PKHD1L1: variants seen among roughly 807,000 people sequenced by gnomAD.
PKHD1L1 encodes fibrocystin-L.
PKHD1L1 carries 434 observed loss-of-function variants against 462.9 expected under a neutral mutation model. That is an observed-to-expected ratio of 0.94 (90% CI 0.87 to 1.02). The LOEUF (loss-of-function observed/expected upper bound fraction) is 1.02, where lower values mean the gene tolerates loss of function less well. Among genes scored for constraint, PKHD1L1 ranks in the 50% least tolerant of loss-of-function variants. The probability of loss-of-function intolerance (pLI) is 0.00; values close to 1 mark genes in which losing one functional copy is unlikely to be tolerated. For synonymous variants in PKHD1L1, 1,781 were observed against 1,750.0 expected, an observed-to-expected ratio of 1.02 and a Z score of -0.44; for missense variants, 5,202 against 5,096.1, an observed-to-expected ratio of 1.02 and a Z score of -0.63.
intron 67 of PKHD1L1, among the ~76,000 whole-genome samples, chr8:109,503,306 A>AAAAAC (rs1819525770): frequency 1.7e-5 from 2 of 119,752 alleles, no homozygotes; most frequent in African/African-American, 7.0e-5. Flanking sequence ...AAACAAAAAC[A>AAAAAC]AAAACAAACA....
intron 2 of PKHD1L1, among the ~76,000 whole-genome samples, chr8:109,376,898 T>A (rs548545637): frequency 1.3e-4 from 20 of 152,112 alleles, no homozygotes; most frequent in Non-Finnish European, 2.5e-4. Flanking sequence ...AATGTCAAGG[T>A]CCAAAGCCTG....
intron 34 of PKHD1L1, 108 bp from the exon 35 acceptor site, chr8:109,441,899 G>A: frequency 1.2e-6 from 1 of 849,902 alleles, no homozygotes; most frequent in Non-Finnish European, 1.6e-6. Context: ...TTTTAGTGTT[G>A]ATTAAAATGT....
At chr8:109,363,041 C>T (rs1811057459) in intron 1 of PKHD1L1, among the ~76,000 whole-genome samples, 1 of 152,124 alleles carries the variant, frequency 6.6e-6, no homozygotes, top group Non-Finnish European at 1.5e-5. Context: ...TCGCTTTCCT[C>T]ACAACAGAAA....
chr8:109,436,439 A>C lies in PKHD1L1; in HGVS notation c.3607A>C (p.Ile1203Leu), dbSNP rs1432549344. Reference sequence around the variant, plus strand: ...TGTGATTGAAGGGGATTTGAATAGGATAACCTGCAGGACACCAAAAGTAAG... The same window carrying C: ...TGTGATTGAAGGGGATTTGAATAGGCTAACCTGCAGGACACCAAAAGTAAG... Reference protein sequence around the residue: ...CNVIEGDLNRITCRTPKKTEG... With the variant: ...CNVIEGDLNRLTCRTPKKTEG... The change falls in exon 30 of 78, where the codon ATA becomes CTA. Residue 1203 changes from isoleucine to leucine, a missense_variant. By Grantham distance (5) the Ile-to-Leu change is conservative. Transcript: ENST00000378402. 2 of 1,613,170 alleles carry C rather than the reference A, an allele frequency of 1.2e-6. No homozygotes were observed. Among genetic ancestry groups the C allele is most frequent in the Admixed American group, 3.3e-5 (2 of 59,964 alleles).
intron 67 of PKHD1L1, among the ~76,000 whole-genome samples, chr8:109,502,565 T>C (rs1819479079): frequency 6.6e-6 from 1 of 152,224 alleles, no homozygotes; most frequent in South Asian, 2.1e-4. Flanking sequence ...ATTTGGTAGG[T>C]CTCAGAACCC....
intron 46 of PKHD1L1, among the ~76,000 whole-genome samples, chr8:109,458,083 T>G (rs1228665064): frequency 2.6e-5 from 4 of 152,188 alleles, no homozygotes; most frequent in Non-Finnish European, 4.4e-5. Context: ...TAATCCTTTA[T>G]TTTAGAGTTG....
intron 9 of PKHD1L1, among the ~76,000 whole-genome samples, chr8:109,391,093 A>G (rs1812690217): frequency 6.6e-6 from 1 of 152,208 alleles, no homozygotes; most frequent in Non-Finnish European, 1.5e-5. Context: ...ACCCCATATT[A>G]TAGATAATAA....
chr8:109,514,866 A>G (rs1339176782), intron 71 of PKHD1L1, among the ~76,000 whole-genome samples: 1 of 152,118 alleles, frequency 6.6e-6, no homozygotes, highest in Non-Finnish European at 1.5e-5. Flanking sequence ...CCTGATATTG[A>G]AAGCCTGTAT....
intron 2 of PKHD1L1, among the ~76,000 whole-genome samples, chr8:109,380,089 T>C (rs1457293): frequency 0.3 from 45,240 of 152,082 alleles, 7,319 homozygotes; most frequent in Admixed American, 0.43. Flanking sequence ...AAATCTACAA[T>C]GGCTGATAGC....
intron 40 of PKHD1L1, among the ~76,000 whole-genome samples, chr8:109,450,641 C>A (rs1395586347): frequency 6.6e-6 from 1 of 152,132 alleles, no homozygotes; most frequent in Non-Finnish European, 1.5e-5. Context: ...AGTGTGCCTG[C>A]CTTTAAGCAG....
chr8:109,464,188 A>G, intron 48 of PKHD1L1, 28 bp from the exon 49 acceptor site: 1 of 1,504,444 alleles, frequency 6.6e-7, no homozygotes. Flanking sequence ...AGCTATTACT[A>G]AATAACTGTG....
At chr8:109,486,284 T>C (rs866804544) in intron 58 of PKHD1L1, among the ~76,000 whole-genome samples, 2 of 151,970 alleles carry the variant, frequency 1.3e-5, no homozygotes, top group Non-Finnish European at 2.9e-5. Flanking sequence ...TTCTCTACCT[T>C]ATTTCCTCAT....
In PKHD1L1 at chr8:109,398,517, C is replaced by T. The variant is rs1189948597; in HGVS notation, c.981C>T (p.Pro327=). The part of the protein sequence containing the change: ...TENSICCKTP[P]KPHILKTVYP... The stretch of plus-strand genomic sequence containing the variant: ...ATAGTATATGTTGCAAGACACCCCC[C>T]AAACCTCATATTCTCAAAACTGTAT... The change falls in exon 12 of 78, where the codon CCC becomes CCT. Residue 327 remains proline, a synonymous_variant. Transcript: ENST00000378402. The T allele has an allele frequency of 1.9e-6, 3 of 1,573,930 alleles. No individual in the cohort carries two copies. In the East Asian group the frequency reaches 6.8e-5, roughly 36 times the overall value.
chr8:109,381,788 T>C (rs1812133028), intron 3 of PKHD1L1, among the ~76,000 whole-genome samples: 2 of 152,154 alleles, frequency 1.3e-5, no homozygotes, highest in Admixed American at 1.3e-4. Context: ...TAAATGACTA[T>C]TTAATTGTAA....
rs1817330662 is a variant in PKHD1L1 at position 109,464,690 on chromosome 8, G to T, written c.7858G>T (p.Gly2620Cys). The T allele has an allele frequency of 6.2e-7, 1 of 1,613,646 alleles. No individual in the cohort carries two copies. The highest frequency in any genetic ancestry group is 2.2e-5 in the East Asian group (1 of 44,874). The part of the protein sequence containing the change: ...EFFNNTVHSQ[G>C]WFGMWIFEEY... Reference sequence around the variant, plus strand: ...TTTTAACAATACTGTCCATTCTCAAGGTTGGTTTGGAATGTGGATCTTTGA... The same window carrying T: ...TTTTAACAATACTGTCCATTCTCAATGTTGGTTTGGAATGTGGATCTTTGA... Residue 2620 changes from glycine to cysteine, a missense_variant, in exon 49 of 78, where the codon GGT (glycine) becomes TGT (cysteine). By Grantham distance (159) the Gly-to-Cys change is radical. Around this residue, in one of 3 missense-constraint regions of PKHD1L1, gnomAD observed 4,497 missense variants for 4,336.8 expected, o/e 1.04. Transcript: ENST00000378402.
chr8:109,467,628 A>C (rs562191798), intron 50 of PKHD1L1, among the ~76,000 whole-genome samples: 55 of 152,182 alleles, frequency 3.6e-4, no homozygotes, highest in Non-Finnish European at 6.5e-4. Context: ...CTGTATCTCT[A>C]TCTCTTTATC....
intron 8 of PKHD1L1, among the ~76,000 whole-genome samples, chr8:109,389,937 A>G (rs1457132575): frequency 6.6e-6 from 1 of 151,886 alleles, no homozygotes; most frequent in Non-Finnish European, 1.5e-5. Flanking sequence ...GGCCTAGGTC[A>G]TCACTTGTCT....
intron 50 of PKHD1L1, among the ~76,000 whole-genome samples, chr8:109,472,715 GAA>G (rs11321135): frequency 6.7e-5 from 10 of 150,074 alleles, no homozygotes; most frequent in African/African-American, 2.2e-4. Flanking sequence ...TTCTGTGTGT[GAA>G]AAAAAAAAAT....
intron 34 of PKHD1L1, among the ~76,000 whole-genome samples, 169 bp from the exon 35 acceptor site, chr8:109,441,838 C>T (rs1287861184): frequency 1.3e-5 from 2 of 151,558 alleles, no homozygotes; most frequent in Non-Finnish European, 2.9e-5. Context: ...CCTTGCTTTC[C>T]ATTATTTCTA....
Sources: allele counts gnomAD v4.1 joint callset (sites outside exome capture counted in the v4.1 genomes callset), GRCh38; gene constraint gnomAD v4.1.1; regional missense constraint gnomAD v4.1.1; transcripts MANE v1.5; gene names NCBI Gene and HGNC (gene_info 2026-07-23, HGNC 2026-07-21).